Variants in ZNF503 observed in about 807,000 individuals in gnomAD.
The protein encoded by ZNF503 is zinc finger protein 503, also known as NocA-like zinc finger 2.
In ZNF503, 15 loss-of-function variants were observed where a neutral mutation model predicts 34.4. The observed-to-expected ratio is 0.44, with a 90% confidence interval of 0.29 to 0.67. ZNF503 has a LOEUF of 0.67. Among genes scored for constraint, ZNF503 ranks in the 30% least tolerant of loss-of-function variants. The probability of loss-of-function intolerance (pLI) is 0.13; values close to 1 mark genes in which losing one functional copy is unlikely to be tolerated. For missense variants in ZNF503, 1,007 were observed against 926.8 expected (o/e 1.09, Z -1.12); for synonymous variants, 580 against 456.8 (o/e 1.27, Z -3.44).
At chr10:75,400,397 G>T in intron 1 of ZNF503, 23 bp from the exon 2 acceptor site, 1 of 1,588,554 alleles carries the variant, frequency 6.3e-7, no homozygotes, top group Non-Finnish European at 8.6e-7. Flanking sequence ...ACGATGGGGG[G>T]GGAGCGTCAC....
the ZNF503 span, chr10:75,288,240 G>T: frequency 6.6e-6 from 1 of 152,246 alleles, no homozygotes; most frequent in Non-Finnish European, 1.5e-5. Flanking sequence ...GTTCTGATGG[G>T]GTGGCCCCAG....
At chr10:75,387,886 C>G in the ZNF503 span, among the ~76,000 whole-genome samples, 1 of 152,206 alleles carries the variant, frequency 6.6e-6, no homozygotes, top group Non-Finnish European at 1.5e-5. Flanking sequence ...GGCTTCCAGG[C>G]AGCCGAGGGC....
At chr10:75,300,331 A>C in the ZNF503 span, among the ~76,000 whole-genome samples, 1 of 152,220 alleles carries the variant, frequency 6.6e-6, no homozygotes, top group Non-Finnish European at 1.5e-5. Flanking sequence ...CAAGGTGCCC[A>C]GATTTCATAT....
At chr10:75,385,257 G>A in the ZNF503 span, among the ~76,000 whole-genome samples, 4 of 152,210 alleles carry the variant, frequency 2.6e-5, no homozygotes, top group Non-Finnish European at 5.9e-5. Flanking sequence ...CCCCTCTTCT[G>A]TGTGGCTGGG....
At chr10:75,339,503 T>C in the ZNF503 span, among the ~76,000 whole-genome samples, 2 of 152,204 alleles carry the variant, frequency 1.3e-5, no homozygotes, top group African/African-American at 4.8e-5. Context: ...TCTGAATGTT[T>C]AGAAAACTGC....
chr10:75,280,555 CGTGTGTGTGT>C, the ZNF503 span, among the ~76,000 whole-genome samples: 37 of 146,620 alleles, frequency 2.5e-4, 1 homozygote, highest in Admixed American at 1.4e-3. Context: ...GGTGTGTATG[CGTGTGTGTGT>C]GTGTGTGTGT....
At chr10:75,385,378 A>T in the ZNF503 span, among the ~76,000 whole-genome samples, 1 of 152,256 alleles carries the variant, frequency 6.6e-6, no homozygotes, top group African/African-American at 2.4e-5. Context: ...CTTTTATTTT[A>T]TTCACAAATT....
the ZNF503 span, chr10:75,382,867 G>A: frequency 3.8e-6 from 1 of 260,228 alleles, no homozygotes; most frequent in African/African-American, 2.3e-5. Context: ...AACTGCCTAT[G>A]GAGCCTCCTC....
At chr10:75,400,686 G>C (rs1024377829) in intron 1 of ZNF503, among the ~76,000 whole-genome samples, 5 of 152,124 alleles carry the variant, frequency 3.3e-5, no homozygotes, top group African/African-American at 7.2e-5. Context: ...ACCCAGAACT[G>C]TACCCCCTCC....
At chr10:75,384,730 G>A in the ZNF503 span, among the ~76,000 whole-genome samples, 2 of 152,174 alleles carry the variant, frequency 1.3e-5, no homozygotes, top group Non-Finnish European at 2.9e-5. Context: ...CATGCTCAGA[G>A]TTTGAGGAAC....
At chr10:75,287,452 C>G in the ZNF503 span, among the ~76,000 whole-genome samples, 1 of 152,252 alleles carries the variant, frequency 6.6e-6, no homozygotes, top group East Asian at 1.9e-4. Context: ...TCCTGACCCC[C>G]CTTCTGGCTT....
At chr10:75,308,874 CTCCG>C in the ZNF503 span, among the ~76,000 whole-genome samples, 1 of 152,134 alleles carries the variant, frequency 6.6e-6, no homozygotes, top group South Asian at 2.1e-4. Flanking sequence ...GGGGGTCTCA[CTCCG>C]TCACCCAGGC....
the ZNF503 span, among the ~76,000 whole-genome samples, chr10:75,378,194 G>C: frequency 1.3e-5 from 2 of 152,078 alleles, no homozygotes; most frequent in Non-Finnish European, 2.9e-5. Flanking sequence ...TTCAACATGA[G>C]ATTTGGGTGA....
the ZNF503 span, among the ~76,000 whole-genome samples, chr10:75,328,637 T>C: frequency 2.0e-5 from 3 of 152,212 alleles, no homozygotes; most frequent in African/African-American, 7.2e-5. Context: ...CTATGGAGAA[T>C]GTTATTGATA....
the ZNF503 span, among the ~76,000 whole-genome samples, chr10:75,373,657 C>T: frequency 1.3e-5 from 2 of 152,198 alleles, no homozygotes; most frequent in African/African-American, 4.8e-5. Flanking sequence ...GGTTCTGCCA[C>T]TGGTGAGCTG....
the ZNF503 span, among the ~76,000 whole-genome samples, chr10:75,289,712 A>G: frequency 1.3e-5 from 2 of 152,098 alleles, no homozygotes; most frequent in East Asian, 1.9e-4. Flanking sequence ...CAGCCTCCCA[A>G]GTAGCTGGGA....
the ZNF503 span, among the ~76,000 whole-genome samples, chr10:75,370,778 C>CA: frequency 0.019 from 1,306 of 67,958 alleles, 142 homozygotes; most frequent in Non-Finnish European, 0.024. Context: ...GGCTCCATCT[C>CA]AAAAAAAAAA....
At chr10:75,289,219 G>A in the ZNF503 span, among the ~76,000 whole-genome samples, 1 of 152,144 alleles carries the variant, frequency 6.6e-6, no homozygotes, top group African/African-American at 2.4e-5. Context: ...ATAAAATCTG[G>A]TGGGACAGAG....
At chr10:75,293,619 C>CA in the ZNF503 span, among the ~76,000 whole-genome samples, 50 of 151,960 alleles carry the variant, frequency 3.3e-4, no homozygotes, top group African/African-American at 1.1e-3. Context: ...GAGTGCCCCC[C>CA]CCGTCCACTC....
Sources: allele counts gnomAD v4.1 joint callset (sites outside exome capture counted in the v4.1 genomes callset), GRCh38; gene constraint gnomAD v4.1.1; transcripts MANE v1.5; gene names NCBI Gene and HGNC (gene_info 2026-07-23, HGNC 2026-07-21).